The following MGMT variants were observed in gnomAD, a reference collection of about 807,000 sequenced individuals.
MGMT encodes the protein methylated-DNA--protein-cysteine methyltransferase.
In MGMT, 14 loss-of-function variants were observed where a neutral mutation model predicts 15.9. That is an observed-to-expected ratio of 0.88 (90% CI 0.58 to 1.37). The LOEUF is 1.37. Ranked by LOEUF, MGMT falls within the 40% of genes most tolerant of loss-of-function variation. The probability of loss-of-function intolerance (pLI) is 0.00; values close to 1 mark genes in which losing one functional copy is unlikely to be tolerated. For missense variants in MGMT, 282 were observed against 268.1 expected, an observed-to-expected ratio of 1.05 and a Z score of -0.36; for synonymous variants, 130 against 118.2, an observed-to-expected ratio of 1.10 and a Z score of -0.65.
At chr10:129,749,653 C>G (rs186835077) in intron 3 of MGMT, among the ~76,000 whole-genome samples, 2 of 152,112 alleles carry the variant, frequency 1.3e-5, no homozygotes, top group South Asian at 4.1e-4. Flanking sequence ...GTGCAATTGC[C>G]AGATCACATG....
intron 2 of MGMT, among the ~76,000 whole-genome samples, chr10:129,671,680 T>TA (rs1847725369): frequency 6.6e-6 from 1 of 152,248 alleles, no homozygotes; most frequent in East Asian, 1.9e-4. Context: ...GTGTAACTGT[T>TA]ACATTTTGAA....
chr10:129,489,545 G>T (rs1845446737), intron 1 of MGMT, among the ~76,000 whole-genome samples: 1 of 152,006 alleles, frequency 6.6e-6, no homozygotes, highest in African/African-American at 2.4e-5. Context: ...TGGGTCTGTA[G>T]ACTAATGTGG....
rs1007419815 is a variant in MGMT at position 129,735,022 on chromosome 10, C to G, written c.275-24180C>G. On this transcript the variant is annotated intron_variant, in intron 3 of 4. Coordinates refer to ENST00000651593, the MANE Select transcript of MGMT (RefSeq NM_002412.5). ...ATTAAGGATATTGGTCTAAAATTCT[C>G]TTTTTTGGTTGTGTCTCTGCCCAGC... is the stretch of plus-strand genomic sequence containing the variant. 4.5e-4 allele frequency among the ~76,000 whole-genome samples: 69 copies of G among 152,154 alleles called. 1 individual carries two copies. Among genetic ancestry groups the G allele is most frequent in the Admixed American group, 1.5e-3 (23 of 15,272 alleles).
At position 129,612,340 on chromosome 10, in the gene MGMT, A is replaced by G. The variant is rs186824148; in HGVS notation, c.125+75963A>G. Among the ~76,000 whole-genome samples the G allele has an allele frequency of 2.2e-3, 333 of 152,310 alleles. 1 individual carries two copies. The highest frequency in any genetic ancestry group is 7.6e-3 in the African/African-American group (317 of 41,562). ...GTGTGGATGTTAGTGCCGGAGAGGT[A>G]TAGCGAAGCATATCCAACCCCCACT... On this transcript the variant is annotated intron_variant, in intron 2 of 4. Transcript: ENST00000651593.
chr10:129,713,374 C>T (rs1331633393), intron 3 of MGMT, among the ~76,000 whole-genome samples: 1 of 152,154 alleles, frequency 6.6e-6, no homozygotes, highest in Non-Finnish European at 1.5e-5. Flanking sequence ...AGCCTTAGGG[C>T]TGCTGTGCTC....
intron 2 of MGMT, among the ~76,000 whole-genome samples, chr10:129,603,391 C>G (rs1226442936): frequency 1.3e-5 from 2 of 152,204 alleles, no homozygotes; most frequent in Non-Finnish European, 2.9e-5. Flanking sequence ...TGATAGCATT[C>G]TGCTATCATA....
chr10:129,687,821 A>G (rs3920717), intron 2 of MGMT, among the ~76,000 whole-genome samples: 84,614 of 150,930 alleles, frequency 0.56, 24,991 homozygotes, highest in African/African-American at 0.74. Flanking sequence ...TACATTAGGT[A>G]TATCTCCTAA....
At chr10:129,696,913 G>T (rs1299236668) in intron 2 of MGMT, among the ~76,000 whole-genome samples, 1 of 152,244 alleles carries the variant, frequency 6.6e-6, no homozygotes, top group African/African-American at 2.4e-5. Context: ...CCTTGCTTTG[G>T]AGGGTTGACA....
chr10:129,506,689 G>A (rs982987461), intron 1 of MGMT, among the ~76,000 whole-genome samples: 1 of 152,120 alleles, frequency 6.6e-6, no homozygotes, highest in Non-Finnish European at 1.5e-5. Flanking sequence ...CGCTCTATCC[G>A]AAAGAGTCGA....
chr10:129,518,497 G>C (rs186400313), intron 1 of MGMT, among the ~76,000 whole-genome samples: 7,036 of 17,202 alleles, frequency 0.41, 925 homozygotes, highest in African/African-American at 0.57. Flanking sequence ...CCTTCCCCCT[G>C]CCCCTCCTCC....
chr10:129,665,417 C>G (rs7098295), intron 2 of MGMT, among the ~76,000 whole-genome samples: 58,019 of 151,126 alleles, frequency 0.38, 11,852 homozygotes, highest in South Asian at 0.46. Flanking sequence ...TAGTTCATCC[C>G]TACCATGCAG....
intron 1 of MGMT, among the ~76,000 whole-genome samples, chr10:129,473,648 CAG>C (rs146853932): frequency 0.058 from 8,759 of 152,286 alleles, 825 homozygotes; most frequent in African/African-American, 0.2. Context: ...AGGGGCAAGA[CAG>C]GGTGTAAACA....
intron 2 of MGMT, chr10:129,564,204 C>T (rs1846315035): frequency 1.0e-5 from 1 of 96,012 alleles, no homozygotes; most frequent in African/African-American, 4.2e-5. Flanking sequence ...CCACTTCTTC[C>T]TCCTCTCCCC....
At chr10:129,477,270 A>AC (rs1226109937) in intron 1 of MGMT, among the ~76,000 whole-genome samples, 2 of 151,946 alleles carry the variant, frequency 1.3e-5, no homozygotes, top group African/African-American at 2.4e-5. Context: ...CCCTTCACAC[A>AC]CCACTGTTTT....
At chr10:129,580,457 C>G (rs1314611820) in intron 2 of MGMT, among the ~76,000 whole-genome samples, 1 of 152,188 alleles carries the variant, frequency 6.6e-6, no homozygotes, top group African/African-American at 2.4e-5. Context: ...GACTTAAACA[C>G]GAGGAGGCTG....
At chr10:129,726,700 C>T (rs1470901867) in intron 3 of MGMT, among the ~76,000 whole-genome samples, 1 of 152,178 alleles carries the variant, frequency 6.6e-6, no homozygotes, top group East Asian at 1.9e-4. Context: ...AGTTTTGTCT[C>T]TTTGCTGCTC....
chr10:129,766,402 T>A (rs946829913), intron 4 of MGMT, among the ~76,000 whole-genome samples: 2 of 151,932 alleles, frequency 1.3e-5, no homozygotes, highest in Admixed American at 1.3e-4. Context: ...ACCTGGGGAG[T>A]GTTTGAGAGC....
At chr10:129,641,603 T>G (rs914795869) in intron 2 of MGMT, among the ~76,000 whole-genome samples, 8 of 152,208 alleles carry the variant, frequency 5.3e-5, no homozygotes, top group African/African-American at 1.9e-4. Context: ...GATAGAAGCT[T>G]TACATTTTTC....
chr10:129,764,956 C>T (rs533539539), intron 4 of MGMT, among the ~76,000 whole-genome samples: 67 of 152,140 alleles, frequency 4.4e-4, no homozygotes, highest in African/African-American at 1.5e-3. Context: ...AGTAAGCGAT[C>T]GTTAGGCATC....
Sources: gnomAD v4.1 joint callset for allele counts (sites outside exome capture counted in the v4.1 genomes callset) on GRCh38, gnomAD v4.1.1 for gene constraint, MANE v1.5 for transcripts, NCBI Gene and HGNC (gene_info 2026-07-23, HGNC 2026-07-21) for gene names.